The following MAF variants were observed in gnomAD, a reference collection of about 807,000 sequenced individuals.
MAF encodes transcription factor Maf.
In MAF, 10 loss-of-function variants were observed where a neutral mutation model predicts 22.0. That is an observed-to-expected ratio of 0.45 (90% CI 0.28 to 0.77). MAF has a LOEUF of 0.77. Ranked by LOEUF, MAF falls within the 30% of genes least tolerant of loss-of-function variation. MAF has a pLI of 0.12. For synonymous variants in MAF, 337 were observed against 255.8 expected, an observed-to-expected ratio of 1.32 and a Z score of -3.03; for missense variants, 544 against 548.4, an observed-to-expected ratio of 0.99 and a Z score of 0.08.
the MAF span, among the ~76,000 whole-genome samples, chr16:79,533,610 T>C: frequency 6.6e-6 from 1 of 152,076 alleles, no homozygotes; most frequent in Admixed American, 6.6e-5. Flanking sequence ...ATCTGGTTCA[T>C]AACCCAAACT....
chr16:79,552,254 C>T, the MAF span, among the ~76,000 whole-genome samples: 2 of 151,922 alleles, frequency 1.3e-5, no homozygotes, highest in Non-Finnish European at 2.9e-5. Flanking sequence ...TGCTGTGTCA[C>T]CCAGATTGGA....
the MAF span, among the ~76,000 whole-genome samples, chr16:79,230,038 A>G: frequency 0.15 from 22,950 of 152,094 alleles, 2,707 homozygotes; most frequent in African/African-American, 0.32. Context: ...TGAATCCTTC[A>G]TTCTTAAGAG....
the MAF span, among the ~76,000 whole-genome samples, chr16:79,359,886 G>T: frequency 6.6e-6 from 1 of 152,200 alleles, no homozygotes; most frequent in African/African-American, 2.4e-5. Context: ...AGTGGAAGGA[G>T]CTTAACCTGG....
chr16:79,502,914 G>A, the MAF span, among the ~76,000 whole-genome samples: 1 of 150,860 alleles, frequency 6.6e-6, no homozygotes, highest in Admixed American at 6.6e-5. Flanking sequence ...TCATCAAACA[G>A]TACACTAAAA....
the MAF span, among the ~76,000 whole-genome samples, chr16:79,296,814 C>G: frequency 6.6e-6 from 1 of 152,158 alleles, no homozygotes; most frequent in Non-Finnish European, 1.5e-5. Context: ...TAGCATTACC[C>G]TCTGCAGTTC....
chr16:79,523,970 G>C, the MAF span, among the ~76,000 whole-genome samples: 1 of 152,106 alleles, frequency 6.6e-6, no homozygotes, highest in African/African-American at 2.4e-5. Context: ...TCATGATCCT[G>C]TGATCATCGG....
At chr16:79,240,487 GAAAAAAAAAAAAAAAAAAAAAAAA>G in the MAF span, among the ~76,000 whole-genome samples, 16 of 60,734 alleles carry the variant, frequency 2.6e-4, no homozygotes, top group East Asian at 2.1e-3. Flanking sequence ...AGCATCTCTG[GAAAAAAAAAAAAAAAAAAAAAAAA>G]AAAAAAAAAA....
the MAF span, among the ~76,000 whole-genome samples, chr16:79,375,334 A>G: frequency 6.6e-6 from 1 of 152,130 alleles, no homozygotes; most frequent in Non-Finnish European, 1.5e-5. Context: ...CTCTCCTCCT[A>G]AAGTTCCACA....
chr16:79,469,909 T>C, the MAF span, among the ~76,000 whole-genome samples: 1 of 152,210 alleles, frequency 6.6e-6, no homozygotes, highest in African/African-American at 2.4e-5. Context: ...GGGTCTCATT[T>C]AAACTCATAA....
chr16:79,356,490 A>C, the MAF span, among the ~76,000 whole-genome samples: 3 of 152,128 alleles, frequency 2.0e-5, no homozygotes, highest in South Asian at 6.3e-4. Flanking sequence ...TGCCTTCCTC[A>C]CGTGCCTTCC....
chr16:79,386,948 C>A, the MAF span, among the ~76,000 whole-genome samples: 1 of 152,208 alleles, frequency 6.6e-6, no homozygotes, highest in Admixed American at 6.5e-5. Flanking sequence ...AAAAGCTCAT[C>A]TAGCTTTAGA....
chr16:79,564,129 G>T, the MAF span, among the ~76,000 whole-genome samples: 881 of 152,310 alleles, frequency 5.8e-3, 10 homozygotes, highest in African/African-American at 0.02. Flanking sequence ...AGGCCTCCTG[G>T]GATTTCTGCT....
chr16:79,421,103 T>C, the MAF span, among the ~76,000 whole-genome samples: 1 of 152,180 alleles, frequency 6.6e-6, no homozygotes. Flanking sequence ...TCTATTTTAT[T>C]ATTAGCCGTT....
chr16:79,262,185 G>C, the MAF span, among the ~76,000 whole-genome samples: 1 of 152,154 alleles, frequency 6.6e-6, no homozygotes, highest in Non-Finnish European at 1.5e-5. Context: ...TGCAGGATGG[G>C]TAGTTTTTGC....
the MAF span, among the ~76,000 whole-genome samples, chr16:79,359,845 C>T: frequency 6.6e-6 from 1 of 152,140 alleles, no homozygotes; most frequent in Non-Finnish European, 1.5e-5. Flanking sequence ...TGAAGGATTA[C>T]TCAACTGTTT....
At chr16:79,431,834 G>A in the MAF span, among the ~76,000 whole-genome samples, 1 of 152,170 alleles carries the variant, frequency 6.6e-6, no homozygotes, top group Non-Finnish European at 1.5e-5. Context: ...AAACCACATG[G>A]CAAGTGAATG....
the MAF span, among the ~76,000 whole-genome samples, chr16:79,571,843 T>C: frequency 2.0e-5 from 3 of 152,268 alleles, no homozygotes; most frequent in South Asian, 6.2e-4. Flanking sequence ...TTTTACATCA[T>C]TTCTTTGCAG....
chr16:79,413,167 G>C, the MAF span, among the ~76,000 whole-genome samples: 1 of 138,608 alleles, frequency 7.2e-6, no homozygotes, highest in South Asian at 2.3e-4. Context: ...TATGGAGTTA[G>C]ATTTGTGCTC....
the MAF span, among the ~76,000 whole-genome samples, chr16:79,470,186 G>A: frequency 1.3e-5 from 2 of 152,206 alleles, no homozygotes; most frequent in Non-Finnish European, 2.9e-5. Flanking sequence ...CACATGAGCG[G>A]CGGAGATAGG....
Sources: gnomAD v4.1 joint callset for allele counts (sites outside exome capture counted in the v4.1 genomes callset) on GRCh38, gnomAD v4.1.1 for gene constraint, MANE v1.5 for transcripts, NCBI Gene and HGNC (gene_info 2026-07-23, HGNC 2026-07-21) for gene names.